The following C1GALT1 variants were observed in gnomAD, a reference collection of about 807,000 sequenced individuals.
C1GALT1 encodes the protein glycoprotein-N-acetylgalactosamine 3-beta-galactosyltransferase 1.
In C1GALT1, 11 loss-of-function variants were observed where a neutral mutation model predicts 31.0. The ratio of observed to expected loss-of-function variants is 0.36; its 90% CI spans 0.22 to 0.59. The LOEUF is 0.59. Among genes scored for constraint, C1GALT1 ranks in the 20% least tolerant of loss-of-function variants. The pLI is 0.79. For missense variants in C1GALT1, 424 were observed against 425.2 expected (o/e 1.00, Z 0.03); for synonymous variants, 175 against 143.6 (o/e 1.22, Z -1.56).
At chr7:7,190,484 TGTAGAGAACA>T (rs1437853313) in intron 1 of C1GALT1, among the ~76,000 whole-genome samples, 3 of 152,342 alleles carry the variant, frequency 2.0e-5, no homozygotes, top group African/African-American at 7.2e-5. Flanking sequence ...GACAGTCTGA[TGTAGAGAACA>T]GTTTCTCAGC....
intron 2 of C1GALT1, among the ~76,000 whole-genome samples, chr7:7,162,554 T>G (rs1780345911): frequency 6.6e-6 from 1 of 151,950 alleles, no homozygotes; most frequent in Non-Finnish European, 1.5e-5. Flanking sequence ...TTTGCTATTG[T>G]GAATAGTGCC....
intron 1 of C1GALT1, among the ~76,000 whole-genome samples, chr7:7,205,572 T>G (rs547524620): frequency 6.6e-6 from 1 of 152,306 alleles, no homozygotes; most frequent in Admixed American, 6.5e-5. Context: ...CACATATAGA[T>G]GGACCTATAC....
In C1GALT1 at chr7:7,247,123, T is replaced by C. The variant is rs1783879647; in HGVS notation, c.*3396T>C. 2 of 152,212 alleles carry C rather than the reference T, an allele frequency of 1.3e-5. No homozygotes were observed. The highest frequency in any genetic ancestry group is 2.9e-5 in the Non-Finnish European group (2 of 68,016). The allele number at this position is 152,212 out of a possible 1,614,324, so 9.4% of individuals were successfully genotyped here. A position where few individuals can be genotyped will look rare whatever the true frequency, so the allele number is the denominator to read the frequency against. Reference sequence around the variant, plus strand: ...AAAATTAAATTGAAGTAGTAAATGCTGTTTTATAACATACATTTTTCTGCT... The same window carrying C: ...AAAATTAAATTGAAGTAGTAAATGCCGTTTTATAACATACATTTTTCTGCT... On this transcript the variant is annotated 3_prime_UTR_variant, in exon 4 of 4. Coordinates refer to ENST00000436587, the MANE Select transcript of C1GALT1 (RefSeq NM_020156.5).
intron 1 of C1GALT1, among the ~76,000 whole-genome samples, chr7:7,227,022 T>C (rs1263440203): frequency 6.6e-6 from 1 of 152,212 alleles, no homozygotes; most frequent in Non-Finnish European, 1.5e-5. Flanking sequence ...AAAATTGAGC[T>C]TATTTAATGA....
Position 7,200,811 on chromosome 7 carries a change from A to G in C1GALT1, c.-18+17991A>G, listed in dbSNP as rs185128760. Among the ~76,000 whole-genome samples, 158 of 152,288 alleles carry G rather than the reference A, an allele frequency of 1.0e-3. 2 individuals are homozygous for G. The East Asian group carries it at 0.021, about 20-fold the overall frequency. On this transcript the variant is annotated intron_variant, in intron 1 of 3. Transcript: ENST00000436587. ...TTCGGCTACTGAAGCTTGTGCATGC[A>G]TCACGTAGTTCTTGTGCCATGGTTT...
intron 2 of C1GALT1, among the ~76,000 whole-genome samples, chr7:7,235,700 AG>A (rs1270002503): frequency 1.3e-5 from 2 of 152,180 alleles, no homozygotes; most frequent in African/African-American, 4.8e-5. Context: ...CTTCAGACTC[AG>A]CATGTGTAAA....
intron 2 of C1GALT1, among the ~76,000 whole-genome samples, chr7:7,160,977 AT>A (rs1780327255): frequency 6.6e-6 from 1 of 152,136 alleles, no homozygotes; most frequent in Non-Finnish European, 1.5e-5. Flanking sequence ...CTTAAATAGA[AT>A]TTATGCAACT....
intron 2 of C1GALT1, among the ~76,000 whole-genome samples, chr7:7,162,029 G>C (rs570561612): frequency 7.3e-5 from 11 of 151,486 alleles, no homozygotes; most frequent in Non-Finnish European, 1.6e-4. Flanking sequence ...TTTGTGAACA[G>C]GCCTGATAGG....
intron 1 of C1GALT1, among the ~76,000 whole-genome samples, chr7:7,193,158 A>C (rs866049059): frequency 6.6e-6 from 1 of 152,116 alleles, no homozygotes; most frequent in Middle Eastern, 3.4e-3. Flanking sequence ...AGTTTAATTA[A>C]GTCCCATCTA....
intron 1 of C1GALT1, among the ~76,000 whole-genome samples, chr7:7,230,708 A>T (rs1583823053): frequency 1.9e-5 from 2 of 105,402 alleles, no homozygotes; most frequent in African/African-American, 3.5e-5. Flanking sequence ...ATATTGTTTT[A>T]CTGTTTGTTT....
intron 2 of C1GALT1, among the ~76,000 whole-genome samples, chr7:7,237,982 C>A (rs1232444374): frequency 6.6e-6 from 1 of 152,138 alleles, no homozygotes; most frequent in East Asian, 1.9e-4. Context: ...GGTGATGCTG[C>A]TGCTTTTAAT....
Position 7,223,219 on chromosome 7 carries a change from C to T in C1GALT1, c.-17-11084C>T, listed in dbSNP as rs372634374. On this transcript the variant is annotated intron_variant, in intron 1 of 3. Coordinates refer to ENST00000436587, the MANE Select transcript of C1GALT1 (RefSeq NM_020156.5). The stretch of plus-strand genomic sequence containing the variant: ...TGTCACCCAGGCTGGAGTACAGTGG[C>T]GCGATCTTGGCTCACTGCAACCTCT... Among the ~76,000 whole-genome samples the T allele has an allele frequency of 1.0e-3, 157 of 152,196 alleles. 1 individual carries two copies. Among genetic ancestry groups the T allele is most frequent in the African/African-American group, 3.5e-3 (146 of 41,514 alleles).
chr7:7,185,763 C>T (rs1488914163), intron 1 of C1GALT1, among the ~76,000 whole-genome samples: 1 of 152,206 alleles, frequency 6.6e-6, no homozygotes, highest in African/African-American at 2.4e-5. Flanking sequence ...TGCAGAGGTA[C>T]TGGAATTAGG....
At chr7:7,181,597 T>C (rs1007386502), upstream of C1GALT1, among the ~76,000 whole-genome samples, 2 of 152,122 alleles carry the variant, frequency 1.3e-5, no homozygotes, top group Non-Finnish European at 2.9e-5. Flanking sequence ...CAATAACTAA[T>C]GTATATTATT....
chr7:7,204,798 C>T (rs538478650), intron 1 of C1GALT1, among the ~76,000 whole-genome samples: 5 of 152,226 alleles, frequency 3.3e-5, no homozygotes, highest in South Asian at 2.1e-4. Flanking sequence ...ATTGATTCTT[C>T]GCCCCATTGG....
intron 1 of C1GALT1, among the ~76,000 whole-genome samples, chr7:7,220,450 A>G (rs1341549859): frequency 6.6e-6 from 1 of 152,210 alleles, no homozygotes; most frequent in Non-Finnish European, 1.5e-5. Flanking sequence ...TCAGTGTCCT[A>G]CTGGTGCTTT....
chr7:7,201,558 G>A (rs1781531755), intron 1 of C1GALT1, among the ~76,000 whole-genome samples: 1 of 152,216 alleles, frequency 6.6e-6, no homozygotes. Context: ...TAAGTCTGCA[G>A]AAGTTACTGC....
intron 2 of C1GALT1, among the ~76,000 whole-genome samples, chr7:7,177,225 A>T (rs1324287207): frequency 6.6e-6 from 1 of 152,174 alleles, no homozygotes; most frequent in East Asian, 1.9e-4. Context: ...TGTCTTACTC[A>T]TTCTAACATA....
At chr7:7,198,539 C>A (rs544971184) in intron 1 of C1GALT1, among the ~76,000 whole-genome samples, 114 of 152,274 alleles carry the variant, frequency 7.5e-4, no homozygotes, top group African/African-American at 2.6e-3. Context: ...CAGGATGATG[C>A]TGGCCTCATA....
Sources: allele counts gnomAD v4.1 joint callset (sites outside exome capture counted in the v4.1 genomes callset), GRCh38; gene constraint gnomAD v4.1.1; transcripts MANE v1.5; gene names NCBI Gene and HGNC (gene_info 2026-07-23, HGNC 2026-07-21).